XRCC6: variants seen among roughly 807,000 people sequenced by gnomAD.
XRCC6 encodes the protein X-ray repair cross complementing 6.
A neutral mutation model predicts 65.7 loss-of-function variants in XRCC6; 5 were observed. The ratio of observed to expected loss-of-function variants is 0.08; its 90% CI spans 0.04 to 0.16. XRCC6 has a LOEUF of 0.16. XRCC6 is among the 10% of genes least tolerant of loss of function. The pLI is 1.00. For missense variants in XRCC6, 447 were observed against 738.1 expected, an observed-to-expected ratio of 0.61 and a Z score of 4.57; for synonymous variants, 270 against 270.6, an observed-to-expected ratio of 1.00 and a Z score of 0.02.
chr22:41,653,111 A>T (rs1274300022), intron 8 of XRCC6, among the ~76,000 whole-genome samples: 1 of 151,298 alleles, frequency 6.6e-6, no homozygotes, highest in East Asian at 2.0e-4. Context: ...AGATATTATA[A>T]GCCCTTTAAA....
At chr22:41,641,285 C>T (rs1442657047) in intron 6 of XRCC6, among the ~76,000 whole-genome samples, 1 of 143,278 alleles carries the variant, frequency 7.0e-6, no homozygotes, top group Non-Finnish European at 1.5e-5. Flanking sequence ...AGGGCTAAGG[C>T]CTAGAAAAAT....
intron 7 of XRCC6, among the ~76,000 whole-genome samples, chr22:41,650,159 C>T (rs1172315887): frequency 1.3e-5 from 2 of 151,666 alleles, no homozygotes; most frequent in Admixed American, 1.3e-4. Flanking sequence ...GGTTGCAGTG[C>T]AGTGGCGCCA....
At chr22:41,648,722 A>C (rs2067960846) in intron 7 of XRCC6, among the ~76,000 whole-genome samples, 1 of 152,278 alleles carries the variant, frequency 6.6e-6, no homozygotes, top group South Asian at 2.1e-4. Flanking sequence ...TATTATTTTG[A>C]TTCAAGCCAG....
intron 10 of XRCC6, 139 bp from the exon 11 acceptor site, chr22:41,658,113 T>G: frequency 2.7e-6 from 2 of 752,192 alleles, no homozygotes; most frequent in Non-Finnish European, 4.4e-6. Flanking sequence ...CATGGGCTAC[T>G]GCACCTGACC....
At chr22:41,627,630 A>AT (rs398037226) in intron 2 of XRCC6, among the ~76,000 whole-genome samples, 1 of 150,782 alleles carries the variant, frequency 6.6e-6, no homozygotes, top group East Asian at 1.9e-4. Flanking sequence ...AAAAAAAAAA[A>AT]TAGAGGCCTG....
At chr22:41,655,722 C>T (rs797020085) in intron 9 of XRCC6, among the ~76,000 whole-genome samples, 5 of 127,838 alleles carry the variant, frequency 3.9e-5, no homozygotes, top group Admixed American at 1.8e-4. Context: ...ATAGTTTTTT[C>T]CCCCCCTTCT....
intron 3 of XRCC6, 39 bp from the exon 4 acceptor site, chr22:41,636,074 T>G: frequency 6.5e-7 from 1 of 1,539,240 alleles, no homozygotes; most frequent in Non-Finnish European, 8.7e-7. Flanking sequence ...GAGCTTCCAT[T>G]TAGTGGTAAG....
intron 11 of XRCC6, among the ~76,000 whole-genome samples, chr22:41,661,057 A>C (rs549995840): frequency 1.3e-5 from 2 of 151,830 alleles, no homozygotes; most frequent in Admixed American, 6.6e-5. Context: ...AAAAAAAAAA[A>C]CTGGGGACAA....
chr22:41,653,775 A>G lies in XRCC6; in HGVS notation c.1291+85A>G, dbSNP rs142044981. On this transcript the variant is annotated intron_variant, in intron 9 of 12. Transcript: ENST00000360079. ...TGGACTCCTAATGCAGACCTACTGA[A>G]TCATAGTCTCTGGGAATGGGGCTTA... The G allele has an allele frequency of 7.2e-5, 106 of 1,473,148 alleles. No individual in the cohort carries two copies. The African/African-American group carries it at 1.3e-3, about 19-fold the overall frequency. The allele number at this position is 1,473,148 out of a possible 1,614,324, so 91.3% of individuals were successfully genotyped here. A position where few individuals can be genotyped will look rare whatever the true frequency, so the allele number is the denominator to read the frequency against.
At chr22:41,642,067 G>A (rs1237936609) in intron 6 of XRCC6, among the ~76,000 whole-genome samples, 2 of 152,124 alleles carry the variant, frequency 1.3e-5, no homozygotes, top group African/African-American at 4.8e-5. Flanking sequence ...TGGCTGAATA[G>A]TACTCCATTG....
At chr22:41,657,086 G>A in intron 10 of XRCC6, 54 bp downstream of exon 10, 6 of 1,521,004 alleles carry the variant, frequency 3.9e-6, no homozygotes, top group Non-Finnish European at 5.3e-6. Flanking sequence ...AATCTTATTA[G>A]AAACAGCTTG....
chr22:41,661,205 TCCCTAGACC>T, intron 11 of XRCC6, 117 bp from the exon 12 acceptor site: 1 of 743,492 alleles, frequency 1.3e-6, no homozygotes, highest in Non-Finnish European at 2.2e-6. Context: ...GAAAGACATT[TCCCTAGACC>T]CCTCCCACCT....
At chr22:41,649,137 A>ATATAT (rs1555906685) in intron 7 of XRCC6, among the ~76,000 whole-genome samples, 27 of 92,860 alleles carry the variant, frequency 2.9e-4, no homozygotes, top group South Asian at 4.1e-4. Flanking sequence ...AAAAAAAAAA[A>ATATAT]AAATATATAT....
chr22:41,657,668 C>T (rs2068058123), intron 10 of XRCC6, among the ~76,000 whole-genome samples: 2 of 151,840 alleles, frequency 1.3e-5, no homozygotes, highest in African/African-American at 4.8e-5. Context: ...CATACCCTTG[C>T]ACCACCACAC....
At chr22:41,652,414 A>G (rs886684529) in intron 8 of XRCC6, among the ~76,000 whole-genome samples, 3 of 148,692 alleles carry the variant, frequency 2.0e-5, no homozygotes, top group Non-Finnish European at 3.0e-5. Context: ...CACCCAGGCT[A>G]GAGTCCAGTG....
intron 3 of XRCC6, among the ~76,000 whole-genome samples, chr22:41,633,056 G>A (rs1486841143): frequency 6.6e-6 from 1 of 152,056 alleles, no homozygotes; most frequent in East Asian, 1.9e-4. Context: ...GCACCTGGGA[G>A]GCAGAGGTTG....
At chr22:41,652,652 C>T (rs2068011819) in intron 8 of XRCC6, among the ~76,000 whole-genome samples, 1 of 151,804 alleles carries the variant, frequency 6.6e-6, no homozygotes, top group South Asian at 2.1e-4. Context: ...AAGCGTGAGC[C>T]ACCTCACCTG....
At chr22:41,621,785 G>GCTAT in intron 1 of XRCC6, 1 of 551,580 alleles carries the variant, frequency 1.8e-6, no homozygotes, top group Non-Finnish European at 3.2e-6. Flanking sequence ...GAAACGTGAG[G>GCTAT]GATAGCTGAG....
chr22:41,654,405 T>G (rs2068026748), intron 9 of XRCC6, among the ~76,000 whole-genome samples: 1 of 152,186 alleles, frequency 6.6e-6, no homozygotes, highest in African/African-American at 2.4e-5. Context: ...TCTGCACTAC[T>G]GAGGCTGAAA....
Sources: gnomAD v4.1 joint callset for allele counts (sites outside exome capture counted in the v4.1 genomes callset) on GRCh38, gnomAD v4.1.1 for gene constraint, MANE v1.5 for transcripts, NCBI Gene and HGNC (gene_info 2026-07-23, HGNC 2026-07-21) for gene names.